Variants in DAB1 observed in about 807,000 individuals in gnomAD.
The protein encoded by DAB1 is disabled homolog 1.
DAB1 carries 15 observed loss-of-function variants against 64.6 expected under a neutral mutation model. The observed-to-expected ratio is 0.23, with a 90% CI of 0.16 to 0.36. The LOEUF is 0.36. Among genes scored for constraint, DAB1 ranks in the 10% least tolerant of loss-of-function variants. DAB1 has a pLI of 1.00. For synonymous variants in DAB1, 235 were observed against 251.9 expected, an observed-to-expected ratio of 0.93 and a Z score of 0.64; for missense variants, 596 against 706.7, an observed-to-expected ratio of 0.84 and a Z score of 1.78.
chr1:58,300,628 GA>G (rs1662124850), intron 4 of DAB1, among the ~76,000 whole-genome samples: 89 of 54,330 alleles, frequency 1.6e-3, no homozygotes, highest in South Asian at 2.9e-3. Flanking sequence ...GAGAGAGAGA[GA>G]GAGAGAGAGA....
At chr1:58,413,564 A>T (rs923062640) in intron 3 of DAB1, among the ~76,000 whole-genome samples, 11 of 152,076 alleles carry the variant, frequency 7.2e-5, no homozygotes, top group African/African-American at 2.7e-4. Context: ...GGAAAGGGAG[A>T]TCTGTGTCTA....
rs543427440 is a variant in DAB1 at position 57,829,901 on chromosome 1, G to T, written n.88-3446C>A. On this transcript the variant is annotated intron_variant and non_coding_transcript_variant, in intron 1 of 1. Coordinates refer to the DAB1 transcript ENST00000477280. ...CATTACTGCAGTGCTGGTAATAATA[G>T]CAGTCAGTACTTAAGATGTATGATA... Among the ~76,000 whole-genome samples, 119 of 152,308 alleles carry T rather than the reference G, an allele frequency of 7.8e-4. 2 individuals carry two copies. In the South Asian group the frequency reaches 0.024, roughly 31 times the overall value.
At chr1:57,304,993 C>T (rs1052236092) in intron 1 of DAB1, among the ~76,000 whole-genome samples, 1 of 152,188 alleles carries the variant, frequency 6.6e-6, no homozygotes, top group Non-Finnish European at 1.5e-5. Context: ...CCAGAGCACA[C>T]CTTGGTTATC....
intron 5 of DAB1, among the ~76,000 whole-genome samples, chr1:57,902,070 T>C (rs1644482162): frequency 6.6e-6 from 1 of 150,732 alleles, no homozygotes; most frequent in Non-Finnish European, 1.5e-5. Context: ...GGTGGGAGGA[T>C]CACTTGAGTT....
intron 6 of DAB1, among the ~76,000 whole-genome samples, chr1:57,767,603 T>G (rs1485374263): frequency 6.6e-6 from 1 of 152,168 alleles, no homozygotes; most frequent in Non-Finnish European, 1.5e-5. Context: ...TTTGCCTATT[T>G]GATTCACTGT....
At chr1:58,036,389 G>A (rs1208587558) in intron 5 of DAB1, among the ~76,000 whole-genome samples, 5 of 152,254 alleles carry the variant, frequency 3.3e-5, no homozygotes, top group African/African-American at 9.6e-5. Flanking sequence ...GATACAGCTG[G>A]TTGAGCGTGC....
intron 4 of DAB1, among the ~76,000 whole-genome samples, chr1:58,306,738 T>C (rs113962919): frequency 0.022 from 3,357 of 152,250 alleles, 117 homozygotes; most frequent in African/African-American, 0.073. Flanking sequence ...CATGGTTTCT[T>C]GTAGGATCTC....
intron 1 of DAB1, among the ~76,000 whole-genome samples, chr1:57,393,169 G>A (rs1268545206): frequency 6.6e-6 from 1 of 152,050 alleles, no homozygotes; most frequent in African/African-American, 2.4e-5. Context: ...TTTGGCCTTG[G>A]TTTCTTATGA....
chr1:57,091,649 A>G (rs1318216607), intron 4 of DAB1, among the ~76,000 whole-genome samples: 2 of 152,194 alleles, frequency 1.3e-5, no homozygotes, highest in Non-Finnish European at 2.9e-5. Context: ...CTGGAACCAG[A>G]CTGCCTGGGG....
chr1:57,985,122 G>A (rs185264198), intron 5 of DAB1, among the ~76,000 whole-genome samples: 45 of 152,252 alleles, frequency 3.0e-4, no homozygotes, highest in African/African-American at 9.9e-4. Flanking sequence ...TGACCAGGCT[G>A]ATCTCAAACT....
chr1:57,651,729 A>G (rs1217712873), intron 6 of DAB1, among the ~76,000 whole-genome samples: 2 of 152,226 alleles, frequency 1.3e-5, no homozygotes, highest in East Asian at 3.8e-4. Context: ...TTTTTACATA[A>G]AGACCTGGAG....
intron 4 of DAB1, among the ~76,000 whole-genome samples, chr1:58,248,176 C>G (rs183024853): frequency 2.0e-5 from 3 of 152,216 alleles, no homozygotes; most frequent in Admixed American, 1.3e-4. Context: ...TCCCAGTTGT[C>G]CCTGCACACC....
Position 57,368,296 on chromosome 1 carries a change from G to A in DAB1, c.-137+55634C>T, listed in dbSNP as rs376153510. Among the ~76,000 whole-genome samples, 42 of 152,326 alleles carry A rather than the reference G, an allele frequency of 2.8e-4. No homozygotes were observed. In the South Asian group the frequency reaches 8.7e-3, roughly 32 times the overall value. Reference sequence around the variant, plus strand: ...GGCAGCAGGAGGGAGACAGGTTCCTGGGCAAAAGGGGGCAGGTCCCTGGTG... The same window carrying A: ...GGCAGCAGGAGGGAGACAGGTTCCTAGGCAAAAGGGGGCAGGTCCCTGGTG... On this transcript the variant is annotated intron_variant, in intron 1 of 14. Transcript: ENST00000371236.
intron 8 of DAB1, among the ~76,000 whole-genome samples, chr1:57,064,621 T>A (rs1438470290): frequency 6.6e-6 from 1 of 152,190 alleles, no homozygotes; most frequent in African/African-American, 2.4e-5. Context: ...GAGTGCAGTC[T>A]GTGAATGGGG....
At chr1:58,217,616 T>A (rs986696690) in intron 4 of DAB1, among the ~76,000 whole-genome samples, 3 of 152,234 alleles carry the variant, frequency 2.0e-5, no homozygotes, top group Admixed American at 1.3e-4. Context: ...TACTGACTTA[T>A]CTGATTTAAT....
At chr1:58,426,225 CA>C (rs1644820811) in intron 3 of DAB1, among the ~76,000 whole-genome samples, 2 of 152,132 alleles carry the variant, frequency 1.3e-5, no homozygotes. Context: ...TGGACTCAGA[CA>C]GTTTCTTGAT....
chr1:57,625,163 C>A (rs1366403384), intron 7 of DAB1, among the ~76,000 whole-genome samples: 2 of 152,112 alleles, frequency 1.3e-5, no homozygotes, highest in Non-Finnish European at 2.9e-5. Context: ...TACTTCCCTC[C>A]TTTGCTCTTT....
At chr1:58,158,011 T>G (rs1340105638) in intron 4 of DAB1, among the ~76,000 whole-genome samples, 2 of 152,174 alleles carry the variant, frequency 1.3e-5, no homozygotes, top group Non-Finnish European at 2.9e-5. Context: ...GGAAAGTTAC[T>G]TAGGGAAAAC....
intron 4 of DAB1, among the ~76,000 whole-genome samples, chr1:58,166,667 T>C (rs1357055957): frequency 1.3e-5 from 2 of 151,648 alleles, no homozygotes; most frequent in African/African-American, 4.9e-5. Context: ...GCAAATCATG[T>C]TTTCATGATA....
Sources: gnomAD v4.1 joint callset for allele counts (sites outside exome capture counted in the v4.1 genomes callset) on GRCh38, gnomAD v4.1.1 for gene constraint, MANE v1.5 for transcripts, NCBI Gene and HGNC (gene_info 2026-07-23, HGNC 2026-07-21) for gene names.